CFAP77: variants seen among roughly 807,000 people sequenced by gnomAD.
CFAP77 encodes cilia- and flagella-associated protein 77.
Under a neutral mutation model 31.1 loss-of-function variants are expected in CFAP77, and 25 were observed. The observed-to-expected ratio is 0.80, with a 90% CI of 0.59 to 1.12. The LOEUF (loss-of-function observed/expected upper bound fraction) is 1.12, where lower values mean the gene tolerates loss of function less well. Among genes scored for constraint, CFAP77 ranks in the 50% most tolerant of loss-of-function variants. CFAP77 has a pLI of 0.00. For synonymous variants in CFAP77, 151 were observed against 159.9 expected (o/e 0.94, Z 0.42); for missense variants, 377 against 397.3 (o/e 0.95, Z 0.44).
Position 132,486,098 on chromosome 9 carries a change from T to TTTATTTTATTTTA in CFAP77, c.196-12595_196-12594insATTTTATTTTATT, listed in dbSNP as rs1554742635. ...TATATATATATATATATATTTTTTT[T>TTTATTTTATTTTA]TTTTTTTTTTTTGAGACGGAGTCTT... On this transcript the variant is annotated intron_variant, in intron 1 of 5. Coordinates refer to ENST00000393216, the MANE Select transcript of CFAP77 (RefSeq NM_001282957.2). Among the ~76,000 whole-genome samples, 112 of 81,380 alleles carry TTTATTTTATTTTA rather than the reference T, an allele frequency of 1.4e-3. 10 individuals carry two copies. The highest frequency in any genetic ancestry group is 2.3e-3 in the Non-Finnish European group (105 of 45,014). 53.4% of individuals were successfully genotyped at this position (81,380 alleles called of 152,430 possible).
At chr9:132,546,524 G>A (rs1852733467) in intron 5 of CFAP77, among the ~76,000 whole-genome samples, 1 of 152,248 alleles carries the variant, frequency 6.6e-6, no homozygotes. Flanking sequence ...CTTTCACACT[G>A]AAAAGCAGCA....
intron 3 of CFAP77, among the ~76,000 whole-genome samples, chr9:132,534,894 G>A (rs532035736): frequency 6.6e-6 from 1 of 152,286 alleles, no homozygotes; most frequent in African/African-American, 2.4e-5. Context: ...GGCAAATTTG[G>A]GCTGGCCCCT....
chr9:132,548,286 G>GGGGGGGGGGGGGGGGGGC (rs1564248910), intron 5 of CFAP77, among the ~76,000 whole-genome samples: 1 of 128,890 alleles, frequency 7.8e-6, no homozygotes, highest in Non-Finnish European at 1.6e-5. Flanking sequence ...GGGGGGTGGG[G>GGGGGGGGGGGGGGGGGGC]GGTGAAGCTG....
intron 5 of CFAP77, among the ~76,000 whole-genome samples, chr9:132,561,153 GC>G (rs1852990419): frequency 6.6e-6 from 1 of 152,226 alleles, no homozygotes; most frequent in South Asian, 2.1e-4. Flanking sequence ...ACCTCCAGCT[GC>G]CCCGAACTTG....
At chr9:132,522,841 G>A (rs1852292391) in intron 3 of CFAP77, among the ~76,000 whole-genome samples, 2 of 152,196 alleles carry the variant, frequency 1.3e-5, no homozygotes, top group East Asian at 1.9e-4. Context: ...CATGGTAGGC[G>A]GAGCTGGGAA....
At chr9:132,557,897 C>A (rs548508182) in intron 5 of CFAP77, among the ~76,000 whole-genome samples, 1 of 152,142 alleles carries the variant, frequency 6.6e-6, no homozygotes, top group Non-Finnish European at 1.5e-5. Flanking sequence ...TCTCCTCCCC[C>A]GGTTCTGAGT....
At chr9:132,491,176 A>G (rs1047911062) in intron 1 of CFAP77, among the ~76,000 whole-genome samples, 7 of 152,212 alleles carry the variant, frequency 4.6e-5, no homozygotes, top group African/African-American at 1.7e-4. Flanking sequence ...TATTAAAAAT[A>G]AAAATCTGTG....
chr9:132,421,547 G>C (rs1024002943), intron 1 of CFAP77: 9 of 152,242 alleles, frequency 5.9e-5, no homozygotes, highest in Non-Finnish European at 7.3e-5. Flanking sequence ...AGCTTCCCAG[G>C]AAAAGGGATG....
intron 3 of CFAP77, among the ~76,000 whole-genome samples, chr9:132,521,087 C>T (rs928403177): frequency 3.3e-5 from 5 of 152,262 alleles, no homozygotes; most frequent in Non-Finnish European, 7.3e-5. Context: ...TCCTCTCATT[C>T]GTCTTCAGGA....
chr9:132,412,626 T>G (rs7868549), intron 1 of CFAP77, among the ~76,000 whole-genome samples: 127,711 of 151,160 alleles, frequency 0.84, 54,490 homozygotes, highest in Middle Eastern at 0.95. Context: ...GCTTTTTTTT[T>G]TTTGTTTGTT....
chr9:132,499,243 T>G lies in CFAP77; in HGVS notation c.296-129T>G. The G allele has an allele frequency of 9.1e-6, 7 of 770,370 alleles. No individual in the cohort carries two copies. In the South Asian group the frequency reaches 1.2e-4, roughly 14 times the overall value. 47.7% of individuals were successfully genotyped at this position (770,370 alleles called of 1,614,324 possible). A position where few individuals can be genotyped will look rare whatever the true frequency, so the allele number is the denominator to read the frequency against. On this transcript the variant is annotated intron_variant, in intron 2 of 5. Coordinates refer to ENST00000393216, the MANE Select transcript of CFAP77 (RefSeq NM_001282957.2). The surrounding 1 kb of genome is among the most constrained non-coding windows in gnomAD (Gnocchi z 5.4). ...ATGCTTTCTGGGGGCCAGGCAGGGTTGTCACCCAGTAGGCTCAGGTAAATG... is the reference window on the plus strand; with the variant it reads ...ATGCTTTCTGGGGGCCAGGCAGGGTGGTCACCCAGTAGGCTCAGGTAAATG...
intron 1 of CFAP77, among the ~76,000 whole-genome samples, chr9:132,485,252 A>G (rs974773060): frequency 2.0e-5 from 3 of 152,228 alleles, no homozygotes; most frequent in Admixed American, 2.0e-4. Context: ...AGAAGCTTCC[A>G]GGCCCTCTGC....
intron 5 of CFAP77, among the ~76,000 whole-genome samples, chr9:132,562,734 C>CA (rs1279326094): frequency 6.6e-6 from 1 of 151,738 alleles, no homozygotes; most frequent in African/African-American, 2.4e-5. Context: ...GAGTCTCGCT[C>CA]AGTCTCCCAG....
At chr9:132,560,407 CACACACACCCCACCTTGGG>C (rs1852975558) in intron 5 of CFAP77, among the ~76,000 whole-genome samples, 1 of 152,166 alleles carries the variant, frequency 6.6e-6, no homozygotes, top group Non-Finnish European at 1.5e-5. Context: ...GGAAAGTTCA[CACACACACCCCACCTTGGG>C]ACTGGTGTTA....
chr9:132,413,359 A>T (rs1421716056), intron 1 of CFAP77, among the ~76,000 whole-genome samples: 1 of 152,216 alleles, frequency 6.6e-6, no homozygotes, highest in African/African-American at 2.4e-5. Flanking sequence ...CCTCATTTAA[A>T]ACCAAGTCAA....
At chr9:132,520,779 CT>C (rs1449090285) in intron 3 of CFAP77, among the ~76,000 whole-genome samples, 3 of 152,208 alleles carry the variant, frequency 2.0e-5, no homozygotes, top group Non-Finnish European at 4.4e-5. Flanking sequence ...GACCCAATTC[CT>C]TCTGCCCCCT....
chr9:132,547,623 G>A lies in CFAP77; in HGVS notation c.732+4576G>A, dbSNP rs141448208. 8.9e-3 allele frequency among the ~76,000 whole-genome samples: 1,362 copies of A among 152,288 alleles called. 16 individuals carry two copies. Among genetic ancestry groups the A allele is most frequent in the Middle Eastern group, 0.058 (17 of 294 alleles). On this transcript the variant is annotated intron_variant, in intron 5 of 5. Transcript: ENST00000393216. ...TTGGGGTGACATGGACAGACAGACC[G>A]ACACACAGGCAGCTGCACAGCTGGG... is the stretch of plus-strand genomic sequence containing the variant.
chr9:132,474,369 C>A (rs1851312021), intron 1 of CFAP77, among the ~76,000 whole-genome samples: 1 of 152,118 alleles, frequency 6.6e-6, no homozygotes, highest in African/African-American at 2.4e-5. Context: ...CACCCAAACA[C>A]GTAATTATAA....
At chr9:132,457,164 T>C (rs568371121) in intron 1 of CFAP77, among the ~76,000 whole-genome samples, 8 of 152,160 alleles carry the variant, frequency 5.3e-5, no homozygotes, top group African/African-American at 1.9e-4. Context: ...ATGAGGAAGA[T>C]GAGGCCAAGG....
Sources: allele counts gnomAD v4.1 joint callset (sites outside exome capture counted in the v4.1 genomes callset), GRCh38; gene constraint gnomAD v4.1.1; non-coding constraint Gnocchi (gnomAD v3.1); transcripts MANE v1.5; gene names NCBI Gene and HGNC (gene_info 2026-07-23, HGNC 2026-07-21).